NEDD4L: variants seen among roughly 807,000 people sequenced by gnomAD.
The protein encoded by NEDD4L is E3 ubiquitin-protein ligase NEDD4-like.
Under a neutral mutation model 148.9 loss-of-function variants are expected in NEDD4L, and 54 were observed. The observed-to-expected ratio is 0.36, with a 90% CI of 0.29 to 0.45. NEDD4L has a LOEUF of 0.45. NEDD4L is among the 20% of genes least tolerant of loss of function. The probability of loss-of-function intolerance (pLI) is 1.00; values close to 1 mark genes in which losing one functional copy is unlikely to be tolerated. For synonymous variants in NEDD4L, 433 were observed against 440.7 expected (o/e 0.98, Z 0.22); for missense variants, 856 against 1,233.8 (o/e 0.69, Z 4.59).
At chr18:58,181,411 T>C (rs1389662879) in intron 2 of NEDD4L, among the ~76,000 whole-genome samples, 2 of 152,238 alleles carry the variant, frequency 1.3e-5, no homozygotes, top group Non-Finnish European at 2.9e-5. Context: ...CTTCCAGGTT[T>C]CTTTAAGAAA....
At position 58,366,034 on chromosome 18, in the gene NEDD4L, C is replaced by T. The variant is rs1414653877; in HGVS notation, c.1869C>T (p.His623=). The T allele has an allele frequency of 6.2e-7, 1 of 1,611,926 alleles. No individual in the cohort carries two copies. The highest frequency in any genetic ancestry group is 1.3e-5 in the African/African-American group (1 of 74,884). Residue 623 remains histidine (H), a synonymous_variant, in exon 21 of 31, where the codon CAC becomes CAT. Coordinates refer to ENST00000400345, the MANE Select transcript of NEDD4L (RefSeq NM_001144967.3). The surrounding 1 kb of genome is among the most constrained non-coding windows in gnomAD (Gnocchi z 4.2). ...CCAATAGGTTTGAAATGAAACTTCA[C>T]AGAAATAACATATTTGAAGAGTCCT... The part of the protein sequence containing the change: ...DIPNRFEMKL[H]RNNIFEESYR...
chr18:58,248,829 G>C, intron 3 of NEDD4L, 70 bp from the exon 4 acceptor site: 1 of 764,658 alleles, frequency 1.3e-6, no homozygotes, highest in Non-Finnish European at 2.2e-6. Context: ...CAAATATGTA[G>C]ACTGTATTGT....
chr18:58,373,002 G>A (rs991479371), intron 23 of NEDD4L, 172 bp from the exon 24 acceptor site: 11 of 490,850 alleles, frequency 2.2e-5, no homozygotes, highest in African/African-American at 3.7e-5. Flanking sequence ...CAGTTTGTTT[G>A]TTTATAGTTT....
intron 5 of NEDD4L, among the ~76,000 whole-genome samples, chr18:58,293,051 G>A (rs1208673582): frequency 6.6e-6 from 1 of 152,176 alleles, no homozygotes. Flanking sequence ...TCATTTTCCT[G>A]GGTTTTTATC....
At chr18:58,184,992 G>A (rs1410206122) in intron 2 of NEDD4L, among the ~76,000 whole-genome samples, 1 of 151,976 alleles carries the variant, frequency 6.6e-6, no homozygotes, top group Non-Finnish European at 1.5e-5. Flanking sequence ...TTCCCAAACA[G>A]GACCTAACCC....
At chr18:58,282,842 A>G (rs925977266) in intron 5 of NEDD4L, among the ~76,000 whole-genome samples, 6 of 152,218 alleles carry the variant, frequency 3.9e-5, no homozygotes, top group Non-Finnish European at 1.5e-5. Context: ...GATAGGCTAG[A>G]TCATGTTGAT....
At chr18:58,394,936 C>T (rs1407313922) in intron 30 of NEDD4L, among the ~76,000 whole-genome samples, 2 of 152,176 alleles carry the variant, frequency 1.3e-5, no homozygotes, top group Non-Finnish European at 1.5e-5. Context: ...TGAGCACTCG[C>T]GGCAGAGGCA....
chr18:58,082,079 A>AATATATACACACACACATATATAT (rs1378443130), intron 1 of NEDD4L, among the ~76,000 whole-genome samples: 1 of 89,980 alleles, frequency 1.1e-5, no homozygotes, highest in African/African-American at 5.8e-5. Context: ...CTTTCTGATG[A>AATATATACACACACACATATATAT]ATATATATAT....
At chr18:58,257,735 C>T (rs182378203) in intron 5 of NEDD4L, among the ~76,000 whole-genome samples, 157 of 152,218 alleles carry the variant, frequency 1.0e-3, no homozygotes, top group Non-Finnish European at 1.8e-3. Flanking sequence ...CTGCAGCTTT[C>T]GTGGTTTAGA....
intron 16 of NEDD4L, among the ~76,000 whole-genome samples, chr18:58,343,623 G>T (rs919355045): frequency 2.6e-5 from 4 of 152,102 alleles, no homozygotes; most frequent in Non-Finnish European, 4.4e-5. Flanking sequence ...GAGTGACTTT[G>T]GTTGTAGATC....
At chr18:58,335,189 G>A (rs891178901) in intron 12 of NEDD4L, among the ~76,000 whole-genome samples, 1 of 152,152 alleles carries the variant, frequency 6.6e-6, no homozygotes, top group African/African-American at 2.4e-5. Flanking sequence ...TTTGACAATG[G>A]CAGGCAAAAC....
chr18:58,160,020 C>T (rs903544050), intron 1 of NEDD4L, among the ~76,000 whole-genome samples: 1 of 152,140 alleles, frequency 6.6e-6, no homozygotes, highest in Non-Finnish European at 1.5e-5. Context: ...GAGTACCTGC[C>T]ATTGTGGAAA....
rs375689204 is a variant in NEDD4L at position 58,383,569 on chromosome 18, G to A, written c.2426+250G>A. 7.9e-5 allele frequency among the ~76,000 whole-genome samples: 12 copies of A among 152,310 alleles called. No homozygotes were observed. In the East Asian group the frequency reaches 1.9e-3, roughly 24 times the overall value. The stretch of plus-strand genomic sequence containing the variant: ...GGAGGGAGAAAAGGTCTATATTATT[G>A]AGTAATACGGCAAATACTCTTTTGG... On this transcript the variant is annotated intron_variant, in intron 25 of 30. Transcript: ENST00000400345.
intron 2 of NEDD4L, among the ~76,000 whole-genome samples, chr18:58,211,915 G>C (rs2042635365): frequency 6.6e-6 from 1 of 152,158 alleles, no homozygotes; most frequent in African/African-American, 2.4e-5. Context: ...TCTTTATCTG[G>C]AGAGGGGGTT....
chr18:58,327,311 G>A (rs1389158071), intron 9 of NEDD4L, among the ~76,000 whole-genome samples: 2 of 152,170 alleles, frequency 1.3e-5, no homozygotes, highest in Non-Finnish European at 2.9e-5. Flanking sequence ...TGGTCAAGCT[G>A]GTTTCAAACT....
rs1460550264 is a variant in NEDD4L at position 58,256,231 on chromosome 18, C to T, written c.297+4177C>T. ...GCCTGCGCATCCAGCACCGCGCCTCCAGCGCCGACGTGCGCCAGGTGAGGC... is the reference window on the plus strand; with the variant it reads ...GCCTGCGCATCCAGCACCGCGCCTCTAGCGCCGACGTGCGCCAGGTGAGGC... On this transcript the variant is annotated intron_variant, in intron 5 of 30. Transcript: ENST00000400345. The surrounding 1 kb of genome is among the most constrained non-coding windows in gnomAD (Gnocchi z 5.2). 4.1e-6 allele frequency: 5 copies of T among 1,227,456 alleles called. No homozygotes were observed. In the Admixed American group the frequency reaches 2.1e-4, roughly 52 times the overall value. 76.0% of individuals were successfully genotyped at this position (1,227,456 alleles called of 1,614,324 possible).
At chr18:58,294,992 A>AT (rs2055346154) in intron 5 of NEDD4L, among the ~76,000 whole-genome samples, 1 of 152,248 alleles carries the variant, frequency 6.6e-6, no homozygotes, top group South Asian at 2.1e-4. Flanking sequence ...TCAGAGCATA[A>AT]TTGAGAGGAA....
chr18:58,094,610 A>G (rs1763020338), intron 1 of NEDD4L, among the ~76,000 whole-genome samples: 1 of 152,036 alleles, frequency 6.6e-6, no homozygotes. Flanking sequence ...CCATTCTCCC[A>G]TGCTCAGCCC....
chr18:58,159,486 G>A (rs954203307), intron 1 of NEDD4L, among the ~76,000 whole-genome samples: 1 of 152,104 alleles, frequency 6.6e-6, no homozygotes, highest in Non-Finnish European at 1.5e-5. Context: ...TGTCGCGGTA[G>A]GGGGTACGTA....
Sources: allele counts gnomAD v4.1 joint callset (sites outside exome capture counted in the v4.1 genomes callset), GRCh38; gene constraint gnomAD v4.1.1; non-coding constraint Gnocchi (gnomAD v3.1); transcripts MANE v1.5; gene names NCBI Gene and HGNC (gene_info 2026-07-23, HGNC 2026-07-21).